The following RBFOX3 variants were observed in gnomAD, a reference collection of about 807,000 sequenced individuals.
RBFOX3 encodes RNA binding protein fox-1 homolog 3.
In RBFOX3, 17 loss-of-function variants were observed where a neutral mutation model predicts 48.7. The observed-to-expected ratio is 0.35, with a 90% CI of 0.24 to 0.52. RBFOX3 has a LOEUF of 0.52. Ranked by LOEUF, RBFOX3 falls within the 20% of genes least tolerant of loss-of-function variation. The pLI is 0.94. For synonymous variants in RBFOX3, 212 were observed against 209.5 expected (o/e 1.01, Z -0.10); for missense variants, 382 against 497.5 (o/e 0.77, Z 2.21).
chr17:79,168,140 C>A (rs1221716439), intron 4 of RBFOX3, among the ~76,000 whole-genome samples: 4 of 152,202 alleles, frequency 2.6e-5, no homozygotes, highest in Admixed American at 6.5e-5. Context: ...CCCCGACCCT[C>A]GTTCGGGAGG....
At chr17:79,326,642 CT>C (rs1459909990) in intron 2 of RBFOX3, among the ~76,000 whole-genome samples, 1 of 152,214 alleles carries the variant, frequency 6.6e-6, no homozygotes, top group Non-Finnish European at 1.5e-5. Flanking sequence ...AGAGGTGCCC[CT>C]GGGCACTCCC....
chr17:79,660,143 C>T, the RBFOX3 span, among the ~76,000 whole-genome samples: 6 of 152,188 alleles, frequency 3.9e-5, no homozygotes, highest in South Asian at 1.0e-3. Flanking sequence ...GCCAAGATAA[C>T]ACCACTGCGT....
At chr17:79,335,577 G>A (rs55939990) in intron 2 of RBFOX3, among the ~76,000 whole-genome samples, 16,945 of 152,204 alleles carry the variant, frequency 0.11, 1,060 homozygotes, top group East Asian at 0.2. Flanking sequence ...TGGAGTGTCC[G>A]TGTACACAGG....
At chr17:79,373,033 A>G (rs74000014) in intron 2 of RBFOX3, among the ~76,000 whole-genome samples, 20,906 of 151,812 alleles carry the variant, frequency 0.14, 1,589 homozygotes, top group African/African-American at 0.2. Flanking sequence ...CTTTTATCTC[A>G]CTCCTCGGAA....
chr17:79,502,635 G>A (rs2082534404), intron 1 of RBFOX3, among the ~76,000 whole-genome samples: 2 of 152,218 alleles, frequency 1.3e-5, no homozygotes, highest in Non-Finnish European at 2.9e-5. Context: ...GCCTGGAACT[G>A]GAACCCTGCT....
At chr17:79,516,381 C>T (rs2085252942) in intron 1 of RBFOX3, among the ~76,000 whole-genome samples, 2 of 152,220 alleles carry the variant, frequency 1.3e-5, no homozygotes, top group African/African-American at 2.4e-5. Context: ...CGGGCCTGCC[C>T]CCTGCCCTGG....
chr17:79,570,219 G>A (rs1187155442), intron 1 of RBFOX3, among the ~76,000 whole-genome samples: 1 of 151,036 alleles, frequency 6.6e-6, no homozygotes, highest in Admixed American at 6.6e-5. Flanking sequence ...TGGATGGATA[G>A]ATGAATTATA....
chr17:79,484,405 G>C (rs1388900637), intron 1 of RBFOX3, among the ~76,000 whole-genome samples: 1 of 152,176 alleles, frequency 6.6e-6, no homozygotes, highest in Non-Finnish European at 1.5e-5. Flanking sequence ...AATGGCAAAA[G>C]TGTAAGTAAT....
chr17:79,520,115 T>C (rs1269143208), intron 1 of RBFOX3, among the ~76,000 whole-genome samples: 1 of 152,172 alleles, frequency 6.6e-6, no homozygotes, highest in Non-Finnish European at 1.5e-5. Context: ...GCCCAAGTCA[T>C]GCAGCTCCAT....
intron 1 of RBFOX3, chr17:79,516,005 G>A (rs2085197932): frequency 6.6e-6 from 1 of 152,210 alleles, no homozygotes; most frequent in South Asian, 2.1e-4. Flanking sequence ...TTGAGTCCAA[G>A]GCTCTGTGTG....
intron 3 of RBFOX3, among the ~76,000 whole-genome samples, chr17:79,278,753 T>C (rs9910615): frequency 0.15 from 22,209 of 152,248 alleles, 1,841 homozygotes; most frequent in Middle Eastern, 0.29. Flanking sequence ...TCCACATGCA[T>C]AGGGCAGTGG....
chr17:79,639,353 T>A, the RBFOX3 span, among the ~76,000 whole-genome samples: 2,113 of 152,104 alleles, frequency 0.014, 62 homozygotes, highest in African/African-American at 0.049. Context: ...TTTTTTGGTA[T>A]TTTTAGTAGA....
chr17:79,467,180 G>C (rs1440419511), intron 2 of RBFOX3, among the ~76,000 whole-genome samples: 1 of 152,062 alleles, frequency 6.6e-6, no homozygotes, highest in East Asian at 2.0e-4. Flanking sequence ...GGCACGGGCT[G>C]CTGCAGACGG....
intron 1 of RBFOX3, among the ~76,000 whole-genome samples, chr17:79,581,239 C>T (rs974855101): frequency 6.6e-6 from 1 of 152,048 alleles, no homozygotes; most frequent in Admixed American, 6.6e-5. Flanking sequence ...CAGAGCGAGA[C>T]TCCATCTCAA....
intron 1 of RBFOX3, among the ~76,000 whole-genome samples, chr17:79,580,966 G>A (rs999188360): frequency 2.0e-5 from 3 of 152,084 alleles, no homozygotes; most frequent in Non-Finnish European, 2.9e-5. Flanking sequence ...ACACCAGTGC[G>A]GCCAGGTGCG....
intron 2 of RBFOX3, among the ~76,000 whole-genome samples, chr17:79,431,564 A>C (rs556265982): frequency 1.4e-5 from 2 of 145,218 alleles, no homozygotes; most frequent in African/African-American, 5.1e-5. Context: ...GGCTCACTGC[A>C]ACCTCTGCCT....
At chr17:79,462,754 A>G (rs1486907750) in intron 2 of RBFOX3, among the ~76,000 whole-genome samples, 1 of 152,154 alleles carries the variant, frequency 6.6e-6, no homozygotes, top group Non-Finnish European at 1.5e-5. Context: ...CAGATACGGA[A>G]TTATAAAACT....
chr17:79,200,515 C>T (rs1027241264), intron 4 of RBFOX3, among the ~76,000 whole-genome samples: 2 of 152,202 alleles, frequency 1.3e-5, no homozygotes, highest in South Asian at 2.1e-4. Flanking sequence ...GCAGAGGTGC[C>T]GCCGGAGGGA....
At chr17:79,656,652 A>G in the RBFOX3 span, among the ~76,000 whole-genome samples, 49 of 113,290 alleles carry the variant, frequency 4.3e-4, no homozygotes, top group African/African-American at 1.9e-3. Context: ...GAGAAGAAAG[A>G]AAGGAAGAGA....
Sources: gnomAD v4.1 joint callset for allele counts (sites outside exome capture counted in the v4.1 genomes callset) on GRCh38, gnomAD v4.1.1 for gene constraint, MANE v1.5 for transcripts, NCBI Gene and HGNC (gene_info 2026-07-23, HGNC 2026-07-21) for gene names.